NBEA: variants seen among roughly 807,000 people sequenced by gnomAD.
NBEA encodes neurobeachin.
A neutral mutation model predicts 343.4 loss-of-function variants in NBEA; 44 were observed. The observed-to-expected ratio is 0.13, with a 90% CI of 0.10 to 0.16. The LOEUF (loss-of-function observed/expected upper bound fraction) is 0.16, where lower values mean the gene tolerates loss of function less well. Among genes scored for constraint, NBEA ranks in the 10% least tolerant of loss-of-function variants. NBEA has a pLI of 1.00. For synonymous variants in NBEA, 1,175 were observed against 1,238.7 expected (o/e 0.95, Z 1.08); for missense variants, 2,555 against 3,631.3 (o/e 0.70, Z 7.62).
At chr13:35,145,508 C>T (rs1273269328) in intron 18 of NBEA, among the ~76,000 whole-genome samples, 1 of 152,194 alleles carries the variant, frequency 6.6e-6, no homozygotes, top group South Asian at 2.1e-4. Context: ...ATGTCATCCA[C>T]ATATTGGCGT....
intron 39 of NBEA, among the ~76,000 whole-genome samples, chr13:35,445,796 A>ATATATATGTATATATATATATATATG (rs2045985723): frequency 1.2e-5 from 1 of 83,312 alleles, no homozygotes; most frequent in African/African-American, 5.6e-5. Flanking sequence ...ATATATATAT[A>ATATATATGTATATATATATATATATG]TATATATATA....
At chr13:35,058,306 C>T (rs1180344607) in intron 7 of NBEA, among the ~76,000 whole-genome samples, 1 of 151,880 alleles carries the variant, frequency 6.6e-6, no homozygotes, top group African/African-American at 2.4e-5. Flanking sequence ...AAAATTAGAC[C>T]CTATGTGTTC....
At chr13:34,943,256 A>G (rs2059086791) in intron 1 of NBEA, 142 bp downstream of exon 1, 2 of 1,147,248 alleles carry the variant, frequency 1.7e-6, no homozygotes, top group Admixed American at 2.1e-5. Context: ...GGTATTGCCC[A>G]GCGGGTGACC....
At position 34,993,568 on chromosome 13, in the gene NBEA, A is replaced by G. The variant is rs563268707; in HGVS notation, c.295-47365A>G. 3.9e-5 allele frequency among the ~76,000 whole-genome samples: 6 copies of G among 152,282 alleles called. No homozygotes were observed. The East Asian group carries it at 9.7e-4, about 25-fold the overall frequency. ...ACTGCCAAAGATTAGTGTGGAGACT[A>G]TCCCTACCAGTTCCTATTTCTGACT... On this transcript the variant is annotated intron_variant, in intron 1 of 58. Coordinates refer to ENST00000379939, the MANE Select transcript of NBEA (RefSeq NM_001385012.1).
intron 8 of NBEA, among the ~76,000 whole-genome samples, chr13:35,066,201 T>C (rs1203023366): frequency 2.0e-5 from 3 of 152,112 alleles, no homozygotes; most frequent in African/African-American, 7.2e-5. Context: ...CCTCAAGTGA[T>C]CCTCCTACCT....
chr13:35,280,090 GTTATA>G (rs1188920870), intron 34 of NBEA, among the ~76,000 whole-genome samples: 4 of 152,076 alleles, frequency 2.6e-5, no homozygotes, highest in Admixed American at 6.6e-5. Context: ...GGATATACAT[GTTATA>G]TTATCCACAC....
At chr13:35,531,493 C>G (rs867244474) in intron 41 of NBEA, among the ~76,000 whole-genome samples, 2 of 152,034 alleles carry the variant, frequency 1.3e-5, no homozygotes, top group South Asian at 4.1e-4. Flanking sequence ...TATGCTTTGT[C>G]ATTGGTGTAA....
intron 41 of NBEA, among the ~76,000 whole-genome samples, chr13:35,497,468 T>A (rs1012582054): frequency 6.6e-6 from 1 of 152,106 alleles, no homozygotes; most frequent in African/African-American, 2.4e-5. Context: ...ACTCTGGAAG[T>A]ACATTTTAGC....
chr13:35,007,128 CT>C (rs2061345072), intron 1 of NBEA, among the ~76,000 whole-genome samples: 1 of 151,716 alleles, frequency 6.6e-6, no homozygotes, highest in Non-Finnish European at 1.5e-5. Flanking sequence ...AGAAATGATT[CT>C]GGTATCTATA....
rs1566424388 is a variant in NBEA, at chr13:35,184,065, T to C, written c.4921T>C (p.Tyr1641His). The part of the protein sequence containing the change: ...IPEQSFGHSF[Y>H]KETPAAFPDT... ...TGAGCAGAGCTTTGGCCACTCATTT[T>C]ACAAAGGTAATACTGACCTCATCTC... Residue 1641 changes from tyrosine (Y) to histidine (H), a missense_variant, in exon 30 of 59, where the codon TAC becomes CAC. This residue lies in a region of NBEA where 270 missense variants were observed against 293.3 expected (regional missense o/e 0.92). Coordinates refer to ENST00000379939, the MANE Select transcript of NBEA (RefSeq NM_001385012.1). 2 of 1,608,438 alleles carry C rather than the reference T, an allele frequency of 1.2e-6. No individual in the cohort carries two copies. The highest frequency in any genetic ancestry group is 1.3e-5 in the African/African-American group (1 of 74,870).
At chr13:35,364,318 A>C (rs997964508) in intron 38 of NBEA, among the ~76,000 whole-genome samples, 1 of 151,874 alleles carries the variant, frequency 6.6e-6, no homozygotes, top group Non-Finnish European at 1.5e-5. Context: ...CCAAGCACTG[A>C]AAATAGTTTG....
At position 35,336,348 on chromosome 13, in the gene NBEA, G is replaced by C. The variant is rs113726298; in HGVS notation, c.5904-12760G>C. On this transcript the variant is annotated intron_variant, in intron 36 of 58. Transcript: ENST00000379939. The stretch of plus-strand genomic sequence containing the variant: ...ACTCTGCTTGAGGATATATTGCCTA[G>C]AACTTTCTAAACACAGACATTAAGT... Among the ~76,000 whole-genome samples the C allele has an allele frequency of 2.1e-3, 326 of 152,136 alleles. 1 individual carries two copies. The highest frequency in any genetic ancestry group is 4.3e-3 in the Non-Finnish European group (290 of 67,984).
intron 43 of NBEA, among the ~76,000 whole-genome samples, chr13:35,553,600 T>C (rs1006608929): frequency 3.3e-5 from 5 of 152,122 alleles, no homozygotes; most frequent in African/African-American, 9.7e-5. Flanking sequence ...GCCAGAGATA[T>C]TTTGCAAGAT....
intron 6 of NBEA, among the ~76,000 whole-genome samples, chr13:35,055,118 T>C (rs773400662): frequency 1.3e-5 from 2 of 152,174 alleles, no homozygotes; most frequent in Non-Finnish European, 2.9e-5. Context: ...AAAGTTTGTA[T>C]TTTATATTTT....
At chr13:35,595,250 C>T (rs935923427) in intron 47 of NBEA, among the ~76,000 whole-genome samples, 1 of 152,044 alleles carries the variant, frequency 6.6e-6, no homozygotes, top group African/African-American at 2.4e-5. Flanking sequence ...GGGTTCACAT[C>T]ATCCAGGACA....
intron 10 of NBEA, among the ~76,000 whole-genome samples, chr13:35,087,936 A>T (rs902093388): frequency 1.3e-5 from 2 of 151,900 alleles, no homozygotes; most frequent in Non-Finnish European, 2.9e-5. Context: ...CAAGTTTTCT[A>T]TAGCTGGAGT....
At chr13:34,950,396 T>G (rs1401773462) in intron 1 of NBEA, among the ~76,000 whole-genome samples, 2 of 152,064 alleles carry the variant, frequency 1.3e-5, no homozygotes, top group Non-Finnish European at 2.9e-5. Flanking sequence ...TCCCCTCAAG[T>G]CAGTTTTATC....
chr13:35,322,501 T>C (rs1478659582), intron 36 of NBEA, among the ~76,000 whole-genome samples: 3 of 152,144 alleles, frequency 2.0e-5, no homozygotes, highest in African/African-American at 7.2e-5. Flanking sequence ...CAGTTGGAAA[T>C]GCAGAAATCA....
At chr13:35,623,279 A>G (rs2083073721) in intron 48 of NBEA, among the ~76,000 whole-genome samples, 1 of 152,222 alleles carries the variant, frequency 6.6e-6, no homozygotes, top group Admixed American at 6.5e-5. Flanking sequence ...CAAAATAAAC[A>G]GATACCAATG....
Sources: allele counts gnomAD v4.1 joint callset (sites outside exome capture counted in the v4.1 genomes callset), GRCh38; gene constraint gnomAD v4.1.1; regional missense constraint gnomAD v4.1.1; transcripts MANE v1.5; gene names NCBI Gene and HGNC (gene_info 2026-07-23, HGNC 2026-07-21).